The following OCA2 variants were observed in gnomAD, a reference collection of about 807,000 sequenced individuals.
The protein encoded by OCA2 is P protein.
In OCA2, 77 loss-of-function variants were observed where a neutral mutation model predicts 100.2. That is an observed-to-expected ratio of 0.77 (90% CI 0.64 to 0.93). OCA2 has a LOEUF of 0.93. Among genes scored for constraint, OCA2 ranks in the 40% least tolerant of loss-of-function variants. The pLI, the probability that OCA2 is intolerant of heterozygous loss-of-function variation, is 0.00. For synonymous variants in OCA2, 432 were observed against 439.2 expected (o/e 0.98, Z 0.21); for missense variants, 1,062 against 1,089.1 (o/e 0.98, Z 0.35).
chr15:27,847,757 A>G (rs185827737), intron 22 of OCA2, among the ~76,000 whole-genome samples: 1 of 152,364 alleles, frequency 6.6e-6, no homozygotes, highest in Non-Finnish European at 1.5e-5. Flanking sequence ...AGCTGAGCAA[A>G]TCTGCCACCA....
Position 28,003,284 on chromosome 15 carries a change from T to C in OCA2, c.1044+11492A>G, listed in dbSNP as rs139466931. On this transcript the variant is annotated intron_variant, in intron 9 of 23. Transcript: ENST00000354638. ...ACTCCGCCAGCTTCGGAGAGTCACATTGGCCAGCCACACTTCCCCATCTTA... is the reference window on the plus strand; with the variant it reads ...ACTCCGCCAGCTTCGGAGAGTCACACTGGCCAGCCACACTTCCCCATCTTA... Among the ~76,000 whole-genome samples, 134 of 152,354 alleles carry C rather than the reference T, an allele frequency of 8.8e-4. 1 individual carries two copies. The highest frequency in any genetic ancestry group is 2.9e-3 in the African/African-American group (120 of 41,598).
rs1452613382 is a variant in OCA2, at chr15:27,796,933, T to C, written c.2433-41461A>G. On this transcript the variant is annotated intron_variant, in intron 23 of 23. Transcript: ENST00000354638. ...GGCAACCCTCTGTGAGGGTAGAGTGTTTTTGTCCAGCAGATGGAGAGGATT... is the reference window on the plus strand; with the variant it reads ...GGCAACCCTCTGTGAGGGTAGAGTGCTTTTGTCCAGCAGATGGAGAGGATT... Among the ~76,000 whole-genome samples the C allele has an allele frequency of 3.3e-5, 5 of 152,162 alleles. No individual in the cohort carries two copies. In the East Asian group the frequency reaches 9.7e-4, roughly 30 times the overall value.
chr15:27,745,192 G>A, the OCA2 span, among the ~76,000 whole-genome samples: 7 of 152,248 alleles, frequency 4.6e-5, no homozygotes, highest in East Asian at 5.8e-4. Flanking sequence ...CTCCTTAGAC[G>A]GAGTCGGGCA....
At chr15:27,956,741 G>A (rs867450200) in intron 16 of OCA2, among the ~76,000 whole-genome samples, 28 of 152,318 alleles carry the variant, frequency 1.8e-4, no homozygotes, top group African/African-American at 6.5e-4. Flanking sequence ...GTCCCGGACC[G>A]GGGATGAAGC....
Position 27,930,127 on chromosome 15 carries a change from C to T in OCA2, c.1952-3873G>A, listed in dbSNP as rs531932771. Among the ~76,000 whole-genome samples, 5 of 152,150 alleles carry T rather than the reference C, an allele frequency of 3.3e-5. No homozygotes were observed. The South Asian group carries it at 1.0e-3, about 32-fold the overall frequency. On this transcript the variant is annotated intron_variant, in intron 18 of 23. Transcript: ENST00000354638. ...CACCTACCAATATGAACCCACCATTCCACTTTCAAGTATTTACCCAAGAGA... is the reference window on the plus strand; with the variant it reads ...CACCTACCAATATGAACCCACCATTTCACTTTCAAGTATTTACCCAAGAGA...
At chr15:27,768,551 G>T (rs560429592) in intron 23 of OCA2, among the ~76,000 whole-genome samples, 8 of 152,202 alleles carry the variant, frequency 5.3e-5, no homozygotes, top group Non-Finnish European at 1.2e-4. Flanking sequence ...GGAAGTGCCA[G>T]TTCTTTTTTC....
intron 23 of OCA2, among the ~76,000 whole-genome samples, chr15:27,808,243 C>T (rs1380264440): frequency 6.6e-6 from 1 of 152,210 alleles, no homozygotes; most frequent in Non-Finnish European, 1.5e-5. Context: ...ACGTGTGCAG[C>T]AGGGCTGGGC....
At chr15:28,010,111 A>G (rs367949080) in intron 9 of OCA2, among the ~76,000 whole-genome samples, 34 of 152,334 alleles carry the variant, frequency 2.2e-4, no homozygotes, top group African/African-American at 8.2e-4. Flanking sequence ...ATATGAGCAC[A>G]TCAGTTGACA....
intron 2 of OCA2, among the ~76,000 whole-genome samples, chr15:28,071,906 G>A (rs2044271030): frequency 6.6e-6 from 1 of 152,184 alleles, no homozygotes; most frequent in Non-Finnish European, 1.5e-5. Context: ...AACAAAAATT[G>A]ACAAGTGGGA....
At chr15:28,097,232 G>A (rs2045002420) in intron 1 of OCA2, among the ~76,000 whole-genome samples, 1 of 152,226 alleles carries the variant, frequency 6.6e-6, no homozygotes, top group Non-Finnish European at 1.5e-5. Flanking sequence ...ACCCCGCCGC[G>A]CTCCGCCGAA....
At chr15:28,098,827 C>T (rs1312851733) in intron 1 of OCA2, among the ~76,000 whole-genome samples, 1 of 152,254 alleles carries the variant, frequency 6.6e-6, no homozygotes, top group Non-Finnish European at 1.5e-5. Flanking sequence ...CACTCCAGTG[C>T]ATTCCATTCT....
chr15:27,875,704 G>A (rs1370696341), intron 19 of OCA2, among the ~76,000 whole-genome samples: 2 of 151,440 alleles, frequency 1.3e-5, no homozygotes, highest in African/African-American at 4.9e-5. Context: ...AAAATATCTC[G>A]GTAATTTTTG....
At chr15:27,855,714 T>C (rs974373387) in intron 21 of OCA2, among the ~76,000 whole-genome samples, 1 of 152,258 alleles carries the variant, frequency 6.6e-6, no homozygotes, top group Non-Finnish European at 1.5e-5. Context: ...GGTTCTGCTC[T>C]AGATACAAGA....
In OCA2 at chr15:27,783,637, G is replaced by A. The variant is rs146926651; in HGVS notation, c.2433-28165C>T. On this transcript the variant is annotated intron_variant, in intron 23 of 23. Coordinates refer to ENST00000354638, the MANE Select transcript of OCA2 (RefSeq NM_000275.3). ...AAGAGTTCGGCCAGAAGCTTCTCAC[G>A]AATTGGCAAAGGCTAGATGTGAACT... 2.2e-3 allele frequency among the ~76,000 whole-genome samples: 335 copies of A among 152,314 alleles called. 1 individual carries two copies. The highest frequency in any genetic ancestry group is 2.4e-3 in the Non-Finnish European group (166 of 68,032).
At chr15:27,892,554 C>G (rs62003802) in intron 19 of OCA2, among the ~76,000 whole-genome samples, 1 of 151,582 alleles carries the variant, frequency 6.6e-6, no homozygotes, top group African/African-American at 2.4e-5. Flanking sequence ...AGGGTGCAAC[C>G]GAAATATAAC....
chr15:27,729,692 T>G, the OCA2 span, among the ~76,000 whole-genome samples: 2 of 152,162 alleles, frequency 1.3e-5, no homozygotes, highest in Non-Finnish European at 2.9e-5. Flanking sequence ...GAAAAAATCC[T>G]CTAGCTTCTG....
intron 14 of OCA2, among the ~76,000 whole-genome samples, chr15:27,967,221 A>T (rs2040601733): frequency 6.6e-6 from 1 of 152,212 alleles, no homozygotes; most frequent in Admixed American, 6.5e-5. Context: ...GCCAGAGCCC[A>T]GGAGGGAAGG....
intron 23 of OCA2, among the ~76,000 whole-genome samples, chr15:27,768,941 C>T (rs1407996259): frequency 6.6e-6 from 1 of 152,190 alleles, no homozygotes; most frequent in Non-Finnish European, 1.5e-5. Context: ...TCATGCGCTG[C>T]CCAGCCGGGA....
intron 21 of OCA2, among the ~76,000 whole-genome samples, chr15:27,857,919 T>C (rs751192291): frequency 8.5e-5 from 13 of 152,144 alleles, no homozygotes; most frequent in Non-Finnish European, 1.3e-4. Flanking sequence ...AGGATGTTAA[T>C]TTAAATTTCC....
Sources: allele counts gnomAD v4.1 joint callset (sites outside exome capture counted in the v4.1 genomes callset), GRCh38; gene constraint gnomAD v4.1.1; transcripts MANE v1.5; gene names NCBI Gene and HGNC (gene_info 2026-07-23, HGNC 2026-07-21).